The following KCNMA1 variants were observed in gnomAD, a reference collection of about 807,000 sequenced individuals.
KCNMA1 encodes the protein Calcium-activated potassium channel subunit alpha-1.
KCNMA1 carries 29 observed loss-of-function variants against 140.0 expected under a neutral mutation model. The ratio of observed to expected loss-of-function variants is 0.21; its 90% CI spans 0.15 to 0.28. The LOEUF is 0.28. Ranked by LOEUF, KCNMA1 falls within the 10% of genes least tolerant of loss-of-function variation. KCNMA1 has a pLI of 1.00. For synonymous variants in KCNMA1, 612 were observed against 611.9 expected, an observed-to-expected ratio of 1.00 and a Z score of 0.00; for missense variants, 880 against 1,602.2, an observed-to-expected ratio of 0.55 and a Z score of 7.70.
chr10:76,886,788 T>C lies in KCNMA1; in HGVS notation c.*478A>G, dbSNP rs2037179898. 9 of 1,028,814 alleles carry C rather than the reference T, an allele frequency of 8.7e-6. No homozygotes were observed. Among genetic ancestry groups the C allele is most frequent in the Non-Finnish European group, 1.1e-5 (9 of 855,546 alleles). The allele number at this position is 1,028,814 out of a possible 1,614,324, so 63.7% of individuals were successfully genotyped here. On this transcript the variant is annotated 3_prime_UTR_variant, in exon 28 of 28. Coordinates refer to ENST00000286628, the MANE Select transcript of KCNMA1 (RefSeq NM_001161352.2). Reference sequence around the variant, plus strand: ...TTTTCATTGCTGTTTGGTTGCTTGTTTCAAATAAACATGTGCTAACTTATT... The same window carrying C: ...TTTTCATTGCTGTTTGGTTGCTTGTCTCAAATAAACATGTGCTAACTTATT...
chr10:77,367,463 C>G (rs2154407326), intron 2 of KCNMA1, among the ~76,000 whole-genome samples: 1 of 152,280 alleles, frequency 6.6e-6, no homozygotes, highest in South Asian at 2.1e-4. Context: ...CCAAGAGCCC[C>G]AGCATCACTC....
chr10:77,364,450 C>CA (rs561681427), intron 2 of KCNMA1, among the ~76,000 whole-genome samples: 123 of 149,662 alleles, frequency 8.2e-4, no homozygotes, highest in Non-Finnish European at 1.4e-3. Context: ...AGCTCCATCT[C>CA]AAAAAAAAGA....
Position 76,957,127 on chromosome 10 carries a change from CAAAAAAA to C in KCNMA1, c.2361-3210_2361-3204del, listed in dbSNP as rs569115924. ...TGGGCAACAGAGCGAGACTCTGTCT[CAAAAAAA>C]AAAAAAAAAAAAAAAAAATTAGCAT... On this transcript the variant is annotated intron_variant, in intron 20 of 27. Coordinates refer to ENST00000286628, the MANE Select transcript of KCNMA1 (RefSeq NM_001161352.2). 4.1e-3 allele frequency among the ~76,000 whole-genome samples: 291 copies of C among 71,376 alleles called. 1 individual carries two copies. Among genetic ancestry groups the C allele is most frequent in the Middle Eastern group, 0.011 (1 of 88 alleles). 46.8% of individuals were successfully genotyped at this position (71,376 alleles called of 152,430 possible). A position where few individuals can be genotyped will look rare whatever the true frequency, so the allele number is the denominator to read the frequency against.
chr10:77,566,307 G>A (rs2068287678), intron 1 of KCNMA1, among the ~76,000 whole-genome samples: 1 of 152,180 alleles, frequency 6.6e-6, no homozygotes, highest in Non-Finnish European at 1.5e-5. Flanking sequence ...TGGTCTCCCA[G>A]GGATCCTGCT....
rs760806787 is a variant in KCNMA1, at chr10:76,887,333, C to T, written c.3644G>A (p.Arg1215Gln). Residue 1215 changes from arginine (R) to glutamine (Q), a missense_variant, in exon 28 of 28, where the codon CGA becomes CAA. By Grantham distance (43) the Arg-to-Gln change is conservative. Coordinates refer to ENST00000286628, the MANE Select transcript of KCNMA1 (RefSeq NM_001161352.2). ...CTCCCTGGACTTGGGCCGGTTCTGT[C>T]GGTTTGCTGTGGATGGGATGGAGTG... ...SVHSIPSTAN[R>Q]QNRPKSRESR... The T allele has an allele frequency of 3.1e-6, 5 of 1,614,042 alleles. No homozygotes were observed. Among genetic ancestry groups the T allele is most frequent in the African/African-American group, 2.7e-5 (2 of 74,998 alleles).
chr10:76,894,242 T>G (rs1489798070), intron 25 of KCNMA1, among the ~76,000 whole-genome samples: 1 of 152,096 alleles, frequency 6.6e-6, no homozygotes, highest in Non-Finnish European at 1.5e-5. Flanking sequence ...TATAGTCTTT[T>G]AAACAAATGG....
At chr10:77,088,880 C>T (rs894895076) in intron 10 of KCNMA1, among the ~76,000 whole-genome samples, 5 of 152,220 alleles carry the variant, frequency 3.3e-5, no homozygotes, top group African/African-American at 1.2e-4. Context: ...GAGATGTCCC[C>T]AGTCACTTCT....
In KCNMA1 at chr10:77,025,377, G is replaced by A. The variant is rs2093353845; in HGVS notation, c.1928+2446C>T. On this transcript the variant is annotated intron_variant, in intron 16 of 27. Coordinates refer to ENST00000286628, the MANE Select transcript of KCNMA1 (RefSeq NM_001161352.2). ...TCTCTTCTTGAATTCTTGGCAAATGGTTAGTCCTGTGGTTAGGAGTGAAGA... is the reference window on the plus strand; with the variant it reads ...TCTCTTCTTGAATTCTTGGCAAATGATTAGTCCTGTGGTTAGGAGTGAAGA... The A allele has an allele frequency of 8.5e-6, 11 of 1,296,412 alleles. No individual in the cohort carries two copies. The Admixed American group carries it at 2.1e-4, about 24-fold the overall frequency. 80.3% of individuals were successfully genotyped at this position (1,296,412 alleles called of 1,614,324 possible).
rs184200325 is a variant in KCNMA1, at chr10:76,886,041, G to A, written c.*1225C>T. The A allele has an allele frequency of 1.0e-4, 102 of 985,400 alleles. No individual in the cohort carries two copies. The African/African-American group carries it at 1.6e-3, about 16-fold the overall frequency. 61.0% of individuals were successfully genotyped at this position (985,400 alleles called of 1,614,324 possible). Reference sequence around the variant, plus strand: ...TTTCTGCATTGGGACAGCCAGCACCGCACAGCTGTGCCAACAGTTGAAGGT... The same window carrying A: ...TTTCTGCATTGGGACAGCCAGCACCACACAGCTGTGCCAACAGTTGAAGGT... On this transcript the variant is annotated 3_prime_UTR_variant, in exon 28 of 28. Transcript: ENST00000286628.
intron 3 of KCNMA1, among the ~76,000 whole-genome samples, chr10:77,189,196 T>A (rs2098916334): frequency 6.6e-6 from 1 of 152,070 alleles, no homozygotes; most frequent in Non-Finnish European, 1.5e-5. Context: ...CTTTGAGACC[T>A]GCCACTCCCA....
intron 25 of KCNMA1, chr10:76,903,509 G>T (rs2046457720): frequency 6.6e-6 from 1 of 152,064 alleles, no homozygotes; most frequent in Admixed American, 6.6e-5. Context: ...TGATGTGACA[G>T]CAGTGGTCTG....
chr10:77,511,719 G>A (rs1210294372), intron 1 of KCNMA1, among the ~76,000 whole-genome samples: 2 of 152,170 alleles, frequency 1.3e-5, no homozygotes, highest in Non-Finnish European at 2.9e-5. Flanking sequence ...TAGCTCATCT[G>A]CGTACTGTCA....
chr10:76,888,841 G>A (rs930588302), intron 27 of KCNMA1, among the ~76,000 whole-genome samples: 1 of 152,124 alleles, frequency 6.6e-6, no homozygotes, highest in African/African-American at 2.4e-5. Flanking sequence ...GAGGTGGGTG[G>A]ATCACTTGAG....
chr10:77,257,241 A>G (rs1307151158), intron 2 of KCNMA1, among the ~76,000 whole-genome samples: 3 of 152,242 alleles, frequency 2.0e-5, no homozygotes, highest in Non-Finnish European at 4.4e-5. Flanking sequence ...GAATTTATTA[A>G]TAACAATGCC....
chr10:77,636,429 C>G, intron 1 of KCNMA1: 1 of 1,536,174 alleles, frequency 6.5e-7, no homozygotes, highest in Non-Finnish European at 8.7e-7. Flanking sequence ...CCAGGGAAGA[C>G]GCTCCGCGTA....
At chr10:77,472,750 C>T (rs2098192999) in intron 1 of KCNMA1, among the ~76,000 whole-genome samples, 1 of 152,186 alleles carries the variant, frequency 6.6e-6, no homozygotes, top group Admixed American at 6.5e-5. Context: ...TTTAGTCTTT[C>T]ATCTGTGACA....
chr10:77,505,708 G>T (rs1344672560), intron 1 of KCNMA1, among the ~76,000 whole-genome samples: 2 of 152,222 alleles, frequency 1.3e-5, no homozygotes, highest in Non-Finnish European at 2.9e-5. Context: ...ACACAGGGAG[G>T]AATGATGGAG....
chr10:76,986,197 A>T (rs1440350973), intron 19 of KCNMA1, among the ~76,000 whole-genome samples: 2 of 152,224 alleles, frequency 1.3e-5, no homozygotes, highest in Non-Finnish European at 2.9e-5. Flanking sequence ...CCAAAAAGTT[A>T]TTGAGATTTA....
intron 13 of KCNMA1, among the ~76,000 whole-genome samples, chr10:77,077,364 G>C (rs2096432559): frequency 6.6e-6 from 1 of 152,182 alleles, no homozygotes; most frequent in Non-Finnish European, 1.5e-5. Flanking sequence ...TGTGTTTTAA[G>C]CAAATAATCA....
Sources: allele counts gnomAD v4.1 joint callset (sites outside exome capture counted in the v4.1 genomes callset), GRCh38; gene constraint gnomAD v4.1.1; transcripts MANE v1.5; gene names NCBI Gene and HGNC (gene_info 2026-07-23, HGNC 2026-07-21).